The following LINGO2 variants were observed in gnomAD, a reference collection of about 807,000 sequenced individuals.
LINGO2 encodes the protein leucine-rich repeat and immunoglobulin-like domain-containing nogo receptor-interacting protein 2.
Under a neutral mutation model 30.6 loss-of-function variants are expected in LINGO2, and 14 were observed. The observed-to-expected ratio is 0.46, with a 90% CI of 0.30 to 0.72. The LOEUF is 0.72. Among genes scored for constraint, LINGO2 ranks in the 30% least tolerant of loss-of-function variants. The probability of loss-of-function intolerance (pLI) is 0.07; values close to 1 mark genes in which losing one functional copy is unlikely to be tolerated. For synonymous variants in LINGO2, 317 were observed against 288.5 expected, an observed-to-expected ratio of 1.10 and a Z score of -1.00; for missense variants, 729 against 751.7, an observed-to-expected ratio of 0.97 and a Z score of 0.35.
the LINGO2 span, among the ~76,000 whole-genome samples, chr9:28,853,535 G>A: frequency 9.9e-5 from 15 of 151,978 alleles, no homozygotes; most frequent in Admixed American, 9.2e-4. Flanking sequence ...TAACGTAGTA[G>A]TTCATTCTCA....
chr9:28,705,181 T>C, the LINGO2 span, among the ~76,000 whole-genome samples: 2 of 152,052 alleles, frequency 1.3e-5, no homozygotes, highest in Admixed American at 6.6e-5. Context: ...CCTCCCAAAG[T>C]GCTGGGATTA....
chr9:28,610,601 C>T (rs1438129297), intron 1 of LINGO2, among the ~76,000 whole-genome samples: 3 of 152,240 alleles, frequency 2.0e-5, no homozygotes, highest in African/African-American at 7.2e-5. Context: ...AAGGTTTCAT[C>T]GTGAAAGCAG....
chr9:28,540,277 C>CCTCT (rs1249840924), intron 1 of LINGO2, among the ~76,000 whole-genome samples: 13 of 139,492 alleles, frequency 9.3e-5, no homozygotes, highest in East Asian at 4.1e-4. Flanking sequence ...TCTCTCTCTC[C>CCTCT]CTCTCTCTCT....
At chr9:28,217,831 CAT>C (rs1222923174) in intron 4 of LINGO2, among the ~76,000 whole-genome samples, 1 of 151,870 alleles carries the variant, frequency 6.6e-6, no homozygotes, top group African/African-American at 2.4e-5. Flanking sequence ...CAACCGCAAA[CAT>C]AATATGACCA....
the LINGO2 span, among the ~76,000 whole-genome samples, chr9:29,180,040 T>A: frequency 6.6e-6 from 1 of 152,110 alleles, no homozygotes; most frequent in East Asian, 1.9e-4. Flanking sequence ...TTCAAAAAGA[T>A]CAGTAAGTAG....
At chr9:28,181,064 G>A (rs144898407) in intron 4 of LINGO2, among the ~76,000 whole-genome samples, 99 of 152,208 alleles carry the variant, frequency 6.5e-4, no homozygotes, top group African/African-American at 2.1e-3. Flanking sequence ...TCCCTAAAGC[G>A]TCACTCTAGA....
At chr9:29,147,584 C>A in the LINGO2 span, among the ~76,000 whole-genome samples, 3 of 152,052 alleles carry the variant, frequency 2.0e-5, no homozygotes, top group Non-Finnish European at 4.4e-5. Flanking sequence ...CTAATCCAAG[C>A]TTTTGAGTCA....
chr9:28,681,122 G>T, the LINGO2 span, among the ~76,000 whole-genome samples: 38 of 151,994 alleles, frequency 2.5e-4, no homozygotes, highest in African/African-American at 8.7e-4. Flanking sequence ...TTTGTATATA[G>T]TGTTGGATAA....
chr9:28,335,049 G>T (rs973676257), intron 3 of LINGO2, among the ~76,000 whole-genome samples: 17 of 152,000 alleles, frequency 1.1e-4, no homozygotes, highest in African/African-American at 2.9e-4. Flanking sequence ...CCATATTGGT[G>T]GAATGAGGTT....
At chr9:28,577,371 C>T (rs977471483) in intron 1 of LINGO2, among the ~76,000 whole-genome samples, 1 of 152,120 alleles carries the variant, frequency 6.6e-6, no homozygotes, top group African/African-American at 2.4e-5. Context: ...AGACTCAAGA[C>T]CCGACCAGTC....
At chr9:27,990,158 A>G (rs1821322727) in intron 5 of LINGO2, among the ~76,000 whole-genome samples, 1 of 152,054 alleles carries the variant, frequency 6.6e-6, no homozygotes, top group African/African-American at 2.4e-5. Context: ...TCCAACTGTT[A>G]GGCTGAGTCT....
chr9:28,486,775 C>T (rs1826183049), intron 1 of LINGO2, among the ~76,000 whole-genome samples: 1 of 151,984 alleles, frequency 6.6e-6, no homozygotes, highest in South Asian at 2.1e-4. Flanking sequence ...TCCAAAAAAC[C>T]CCACAAAATG....
the LINGO2 span, among the ~76,000 whole-genome samples, chr9:28,723,072 G>A: frequency 0.027 from 4,096 of 152,108 alleles, 201 homozygotes; most frequent in African/African-American, 0.09. Context: ...TATCCAGGTG[G>A]TTTATGTACA....
At chr9:28,969,530 G>A in the LINGO2 span, among the ~76,000 whole-genome samples, 1 of 152,162 alleles carries the variant, frequency 6.6e-6, no homozygotes, top group African/African-American at 2.4e-5. Flanking sequence ...AAATTTAAAA[G>A]ACGACTTTGG....
At chr9:28,432,088 A>G (rs993188188) in intron 2 of LINGO2, among the ~76,000 whole-genome samples, 1 of 152,156 alleles carries the variant, frequency 6.6e-6, no homozygotes, top group Admixed American at 6.5e-5. Flanking sequence ...CATACTCTAT[A>G]AAAGCACTGT....
At chr9:29,136,805 T>C in the LINGO2 span, among the ~76,000 whole-genome samples, 1 of 152,162 alleles carries the variant, frequency 6.6e-6, no homozygotes, top group Non-Finnish European at 1.5e-5. Context: ...CTCCATTCCA[T>C]AAATACAACT....
intron 1 of LINGO2, among the ~76,000 whole-genome samples, chr9:28,561,939 T>G (rs1237065571): frequency 6.6e-6 from 1 of 151,354 alleles, no homozygotes; most frequent in Non-Finnish European, 1.5e-5. Flanking sequence ...GCTCTCTGCT[T>G]TTCAATTTGT....
chr9:29,096,737 T>A, the LINGO2 span, among the ~76,000 whole-genome samples: 1 of 140,604 alleles, frequency 7.1e-6, no homozygotes, highest in Non-Finnish European at 1.6e-5. Flanking sequence ...CTTTAGCATT[T>A]GGTTTTCCAC....
the LINGO2 span, among the ~76,000 whole-genome samples, chr9:28,769,855 T>G: frequency 6.6e-6 from 1 of 152,044 alleles, no homozygotes; most frequent in Non-Finnish European, 1.5e-5. Context: ...TTTTAAATAA[T>G]AAGTTTGTAC....
Sources: allele counts gnomAD v4.1 joint callset (sites outside exome capture counted in the v4.1 genomes callset), GRCh38; gene constraint gnomAD v4.1.1; transcripts MANE v1.5; gene names NCBI Gene and HGNC (gene_info 2026-07-23, HGNC 2026-07-21).